Variants in EYS observed in about 807,000 individuals in gnomAD.
The protein encoded by EYS is EGF-like photoreceptor maintenance factor.
EYS carries 250 observed loss-of-function variants against 282.1 expected under a neutral mutation model. That is an observed-to-expected ratio of 0.89 (90% CI 0.80 to 0.98). The LOEUF (loss-of-function observed/expected upper bound fraction) is 0.98. Ranked by LOEUF, EYS falls within the 50% of genes least tolerant of loss-of-function variation. EYS has a pLI of 0.00. For missense variants in EYS, 4,016 were observed against 3,709.0 expected (o/e 1.08, Z -2.15); for synonymous variants, 1,355 against 1,282.9 (o/e 1.06, Z -1.20).
chr6:64,232,339 G>T (rs1281448486), intron 30 of EYS, among the ~76,000 whole-genome samples: 2 of 135,382 alleles, frequency 1.5e-5, no homozygotes, highest in African/African-American at 5.4e-5. Context: ...AAATAATTTT[G>T]AATCTTTTTT....
rs1191859384 is a variant in EYS, at chr6:64,912,492, C to T, written c.2633G>A (p.Cys878Tyr). ...ALVDANQHCI[C>Y]REEFEGKNCE... Reference sequence around the variant, plus strand: ...TCCATATTAGCTCTTACCTTCTCTACAAATACAATGCTGATTTGCGTCTAC... The same window carrying T: ...TCCATATTAGCTCTTACCTTCTCTATAAATACAATGCTGATTTGCGTCTAC... Residue 878 changes from cysteine to tyrosine, a missense_variant, in exon 16 of 43, where the codon TGT becomes TAT. Coordinates refer to ENST00000503581, the MANE Select transcript of EYS (RefSeq NM_001142800.2). 5.8e-6 allele frequency: 9 copies of T among 1,550,954 alleles called. No individual in the cohort carries two copies. The highest frequency in any genetic ancestry group is 7.0e-6 in the Non-Finnish European group (8 of 1,146,394).
At chr6:64,577,135 C>T (rs760581972) in intron 26 of EYS, among the ~76,000 whole-genome samples, 6 of 152,080 alleles carry the variant, frequency 3.9e-5, no homozygotes, top group Non-Finnish European at 8.8e-5. Context: ...TCTGAGGAAG[C>T]ATGACCCTGC....
intron 22 of EYS, among the ~76,000 whole-genome samples, chr6:64,791,155 T>C: frequency 6.6e-6 from 1 of 151,862 alleles, no homozygotes; most frequent in East Asian, 1.9e-4. Context: ...AAAATACATA[T>C]AATATATCCA....
At chr6:64,870,256 A>G (rs1766550464) in intron 19 of EYS, among the ~76,000 whole-genome samples, 1 of 151,680 alleles carries the variant, frequency 6.6e-6, no homozygotes, top group Non-Finnish European at 1.5e-5. Context: ...GCTATTCATA[A>G]CAGCTGAAAA....
intron 13 of EYS, among the ~76,000 whole-genome samples, chr6:65,041,351 T>G (rs1772929169): frequency 6.6e-6 from 1 of 151,634 alleles, no homozygotes; most frequent in Non-Finnish European, 1.5e-5. Flanking sequence ...TACCATGAGG[T>G]AAGAGTTAAG....
chr6:64,146,991 G>A (rs1303957409), intron 31 of EYS, among the ~76,000 whole-genome samples: 1 of 152,078 alleles, frequency 6.6e-6, no homozygotes, highest in Non-Finnish European at 1.5e-5. Context: ...TAGAGATAAG[G>A]TCTGAATGTG....
At chr6:64,636,098 T>C (rs1264819024) in intron 22 of EYS, among the ~76,000 whole-genome samples, 2 of 152,238 alleles carry the variant, frequency 1.3e-5, no homozygotes, top group African/African-American at 4.8e-5. Context: ...ACTTTAAAGT[T>C]CATATGGAAC....
intron 14 of EYS, among the ~76,000 whole-genome samples, chr6:64,986,537 C>A (rs928815370): frequency 6.8e-6 from 1 of 148,124 alleles, no homozygotes; most frequent in South Asian, 2.1e-4. Flanking sequence ...GTGTTTCCTG[C>A]AATGTTTCCC....
intron 8 of EYS, among the ~76,000 whole-genome samples, chr6:65,368,143 AACTC>A (rs763298381): frequency 3.3e-5 from 5 of 151,516 alleles, no homozygotes; most frequent in Admixed American, 6.7e-5. Context: ...ATATTGTGAG[AACTC>A]ACTCACTATC....
chr6:64,903,593 G>C (rs16895989), intron 16 of EYS, among the ~76,000 whole-genome samples: 4,721 of 152,166 alleles, frequency 0.031, 131 homozygotes, highest in East Asian at 0.13. Context: ...CAAATCACTT[G>C]TAATGTTGGC....
At chr6:65,364,537 T>TTA (rs540787127) in intron 8 of EYS, among the ~76,000 whole-genome samples, 2 of 150,856 alleles carry the variant, frequency 1.3e-5, no homozygotes, top group South Asian at 2.1e-4. Context: ...TGGACTATAT[T>TTA]AAAAATATTA....
intron 31 of EYS, among the ~76,000 whole-genome samples, chr6:64,161,952 T>C (rs1296621054): frequency 6.6e-6 from 1 of 152,188 alleles, no homozygotes; most frequent in Non-Finnish European, 1.5e-5. Flanking sequence ...GTTTTTCTTG[T>C]TTGTTAAACC....
chr6:64,287,496 A>T (rs1768542236), intron 30 of EYS, among the ~76,000 whole-genome samples: 1 of 152,168 alleles, frequency 6.6e-6, no homozygotes, highest in Non-Finnish European at 1.5e-5. Context: ...AAATCAATTC[A>T]TATCTCAGTA....
At chr6:64,273,553 C>G (rs1015646651) in intron 30 of EYS, among the ~76,000 whole-genome samples, 1 of 151,538 alleles carries the variant, frequency 6.6e-6, no homozygotes, top group Admixed American at 6.6e-5. Flanking sequence ...GCTCATAATT[C>G]TTTTGAGGAC....
intron 31 of EYS, among the ~76,000 whole-genome samples, chr6:64,206,266 A>G (rs1436425445): frequency 6.6e-6 from 1 of 152,180 alleles, no homozygotes; most frequent in African/African-American, 2.4e-5. Flanking sequence ...TAATAGCACA[A>G]TATAGCAGTA....
intron 14 of EYS, among the ~76,000 whole-genome samples, chr6:64,979,110 G>C (rs964099404): frequency 2.0e-5 from 3 of 151,818 alleles, no homozygotes; most frequent in East Asian, 1.9e-4. Flanking sequence ...AAACAGCAGC[G>C]CTATAAGATA....
chr6:65,127,556 A>C (rs1775754989), intron 12 of EYS, among the ~76,000 whole-genome samples: 2 of 152,266 alleles, frequency 1.3e-5, no homozygotes, highest in South Asian at 4.1e-4. Flanking sequence ...ACAGAAATAT[A>C]TTAATGGAAA....
At chr6:64,982,388 A>G (rs1344143598) in intron 14 of EYS, among the ~76,000 whole-genome samples, 2 of 151,352 alleles carry the variant, frequency 1.3e-5, no homozygotes, top group Non-Finnish European at 3.0e-5. Flanking sequence ...ATGCAACATT[A>G]AGAATCATTT....
chr6:64,547,793 G>C (rs552557109), intron 26 of EYS, among the ~76,000 whole-genome samples: 1 of 152,330 alleles, frequency 6.6e-6, no homozygotes, highest in Admixed American at 6.5e-5. Context: ...TGGTCGGGGC[G>C]GCTCGGGCTG....
Sources: gnomAD v4.1 joint callset for allele counts (sites outside exome capture counted in the v4.1 genomes callset) on GRCh38, gnomAD v4.1.1 for gene constraint, MANE v1.5 for transcripts, NCBI Gene and HGNC (gene_info 2026-07-23, HGNC 2026-07-21) for gene names.